NCAM2: variants seen among roughly 807,000 people sequenced by gnomAD.
NCAM2 encodes neural cell adhesion molecule 2, also known as N-CAM-2.
A neutral mutation model predicts 98.1 loss-of-function variants in NCAM2; 30 were observed. The ratio of observed to expected loss-of-function variants is 0.31; its 90% CI spans 0.23 to 0.41. The LOEUF (loss-of-function observed/expected upper bound fraction) is 0.41, where lower values mean the gene tolerates loss of function less well. NCAM2 is among the 10% of genes least tolerant of loss of function. NCAM2 has a pLI of 1.00. For missense variants in NCAM2, 867 were observed against 1,005.8 expected (o/e 0.86, Z 1.87); for synonymous variants, 368 against 342.4 (o/e 1.07, Z -0.83).
chr21:21,226,049 C>T (rs765337432), intron 1 of NCAM2, among the ~76,000 whole-genome samples: 57 of 151,878 alleles, frequency 3.8e-4, no homozygotes, highest in Non-Finnish European at 6.6e-4. Context: ...AGCAAATTAA[C>T]GCAGAAACAG....
At chr21:21,206,476 A>G (rs1397560879) in intron 1 of NCAM2, among the ~76,000 whole-genome samples, 3 of 152,170 alleles carry the variant, frequency 2.0e-5, no homozygotes, top group Non-Finnish European at 4.4e-5. Context: ...ATGACCTTGC[A>G]GAAAGACTCC....
At chr21:21,310,596 T>G (rs1379951493) in intron 5 of NCAM2, among the ~76,000 whole-genome samples, 1 of 152,222 alleles carries the variant, frequency 6.6e-6, no homozygotes, top group Non-Finnish European at 1.5e-5. Flanking sequence ...AGTATCAGCT[T>G]ATTGAATCTG....
chr21:21,063,682 C>A (rs2065371393), intron 1 of NCAM2, among the ~76,000 whole-genome samples: 1 of 151,974 alleles, frequency 6.6e-6, no homozygotes, highest in Admixed American at 6.5e-5. Context: ...CAAAACAAAA[C>A]AAAAATCAAA....
At chr21:21,231,041 T>A (rs1984987569) in intron 1 of NCAM2, among the ~76,000 whole-genome samples, 1 of 151,314 alleles carries the variant, frequency 6.6e-6, no homozygotes. Context: ...AATTTAAAAA[T>A]TTGCAAAATT....
chr21:21,264,755 TATATATATATTCCACTATATATATAC>T (rs1289951906), intron 1 of NCAM2, among the ~76,000 whole-genome samples: 19 of 6,586 alleles, frequency 2.9e-3, no homozygotes, highest in East Asian at 0.12. Context: ...TATATATACA[TATATATATATTCCACTATATATATAC>T]ATATATATAT....
chr21:21,211,743 G>A (rs190609315), intron 1 of NCAM2, among the ~76,000 whole-genome samples: 4 of 152,138 alleles, frequency 2.6e-5, no homozygotes, highest in East Asian at 3.9e-4. Context: ...TGTCCCTTTC[G>A]TTTATTTCTC....
intron 1 of NCAM2, among the ~76,000 whole-genome samples, chr21:21,115,807 G>A (rs531627664): frequency 9.2e-5 from 14 of 152,220 alleles, no homozygotes; most frequent in South Asian, 4.1e-4. Context: ...GATATTGTGC[G>A]TGTGTCTGTG....
chr21:21,323,239 A>C (rs2147790176), intron 5 of NCAM2, among the ~76,000 whole-genome samples: 1 of 152,308 alleles, frequency 6.6e-6, no homozygotes, highest in Admixed American at 6.5e-5. Context: ...TATCTGAAAA[A>C]GTTCTATCTT....
chr21:21,083,887 T>C (rs1357855656), intron 1 of NCAM2, among the ~76,000 whole-genome samples: 1 of 152,212 alleles, frequency 6.6e-6, no homozygotes, highest in Non-Finnish European at 1.5e-5. Context: ...ATTATACCTA[T>C]CTTATTTAAA....
intron 9 of NCAM2, among the ~76,000 whole-genome samples, chr21:21,386,230 G>C (rs1026062039): frequency 6.6e-6 from 1 of 151,980 alleles, no homozygotes; most frequent in Non-Finnish European, 1.5e-5. Flanking sequence ...TATAGGATGA[G>C]GTAAATAAGA....
At chr21:21,020,324 C>T (rs944639282) in intron 1 of NCAM2, among the ~76,000 whole-genome samples, 36 of 152,220 alleles carry the variant, frequency 2.4e-4, no homozygotes, top group African/African-American at 8.2e-4. Flanking sequence ...GCGTGAGCCA[C>T]TGCACCCGGG....
At chr21:21,249,262 C>A (rs1266949295) in intron 1 of NCAM2, among the ~76,000 whole-genome samples, 1 of 152,110 alleles carries the variant, frequency 6.6e-6, no homozygotes, top group African/African-American at 2.4e-5. Flanking sequence ...ATTATTTTCA[C>A]ATTTCTCTCA....
chr21:21,228,578 G>T (rs893539297), intron 1 of NCAM2, among the ~76,000 whole-genome samples: 20 of 151,312 alleles, frequency 1.3e-4, no homozygotes, highest in African/African-American at 4.8e-4. Flanking sequence ...ACTGAGAGAA[G>T]TATTCAAATA....
chr21:21,446,987 T>C (rs1317829622), intron 12 of NCAM2, among the ~76,000 whole-genome samples: 2 of 152,172 alleles, frequency 1.3e-5, no homozygotes, highest in African/African-American at 4.8e-5. Context: ...CGAAGTAATT[T>C]CTACTTTCAA....
intron 1 of NCAM2, among the ~76,000 whole-genome samples, chr21:21,000,273 A>G (rs923252297): frequency 1.2e-4 from 19 of 152,214 alleles, no homozygotes; most frequent in Non-Finnish European, 1.5e-5. Flanking sequence ...TACAACTGCA[A>G]TTAAATAAGT....
chr21:21,309,299 T>C (rs995252967), intron 5 of NCAM2, among the ~76,000 whole-genome samples: 1 of 152,208 alleles, frequency 6.6e-6, no homozygotes, highest in Admixed American at 6.5e-5. Flanking sequence ...CTTTTCAATA[T>C]TTTAGACCTT....
intron 15 of NCAM2, among the ~76,000 whole-genome samples, chr21:21,484,017 T>C (rs1356757859): frequency 6.6e-6 from 1 of 152,072 alleles, no homozygotes; most frequent in Non-Finnish European, 1.5e-5. Context: ...TCAAACATTG[T>C]GGGATATATT....
chr21:21,466,238 T>A (rs1001939989), intron 12 of NCAM2, among the ~76,000 whole-genome samples: 1 of 152,060 alleles, frequency 6.6e-6, no homozygotes, highest in African/African-American at 2.4e-5. Context: ...AAATAATCTA[T>A]GTAGAGTACT....
intron 1 of NCAM2, among the ~76,000 whole-genome samples, chr21:21,004,964 A>G (rs920639631): frequency 2.6e-5 from 4 of 152,146 alleles, no homozygotes; most frequent in African/African-American, 9.7e-5. Context: ...GATTATTAAT[A>G]CAAGGAGAAA....
Sources: gnomAD v4.1 joint callset for allele counts (sites outside exome capture counted in the v4.1 genomes callset) on GRCh38, gnomAD v4.1.1 for gene constraint, MANE v1.5 for transcripts, NCBI Gene and HGNC (gene_info 2026-07-23, HGNC 2026-07-21) for gene names.